The following ESR1 variants were observed in gnomAD, a reference collection of about 807,000 sequenced individuals.
ESR1 encodes estrogen receptor 1.
Under a neutral mutation model 52.7 loss-of-function variants are expected in ESR1, and 12 were observed. The ratio of observed to expected loss-of-function variants is 0.23; its 90% CI spans 0.15 to 0.37. ESR1 has a LOEUF of 0.37. Ranked by LOEUF, ESR1 falls within the 10% of genes least tolerant of loss-of-function variation. The pLI, the probability that ESR1 is intolerant of heterozygous loss-of-function variation, is 1.00. For synonymous variants in ESR1, 305 were observed against 316.8 expected (o/e 0.96, Z 0.39); for missense variants, 584 against 779.7 (o/e 0.75, Z 2.99).
At chr6:151,779,067 T>G (rs796587855) in intron 2 of ESR1, among the ~76,000 whole-genome samples, 14 of 152,340 alleles carry the variant, frequency 9.2e-5, no homozygotes, top group African/African-American at 3.4e-4. Flanking sequence ...GATGATAGTT[T>G]CTTTTGCTGT....
intron 4 of ESR1, among the ~76,000 whole-genome samples, chr6:151,972,353 A>G (rs1438332271): frequency 6.6e-6 from 1 of 152,206 alleles, no homozygotes; most frequent in Admixed American, 6.5e-5. Context: ...ATAACAAAAA[A>G]GAAAACTACA....
chr6:151,842,866 A>T (rs1371978555), intron 2 of ESR1, 79 bp downstream of exon 2: 3 of 1,246,572 alleles, frequency 2.4e-6, no homozygotes, highest in Non-Finnish European at 3.5e-6. Flanking sequence ...AGGAAGGAAG[A>T]CATAGAATCA....
At chr6:151,683,864 ATTTTTTTTT>A (rs66983259) in intron 1 of ESR1, among the ~76,000 whole-genome samples, 177 of 118,456 alleles carry the variant, frequency 1.5e-3, no homozygotes, top group African/African-American at 5.5e-3. Flanking sequence ...ACGTCTGGCT[ATTTTTTTTT>A]TTTTTTTTTT....
At chr6:151,663,224 G>A (rs1480777271) in intron 1 of ESR1, among the ~76,000 whole-genome samples, 2 of 152,226 alleles carry the variant, frequency 1.3e-5, no homozygotes, top group African/African-American at 2.4e-5. Flanking sequence ...ACAGTAAGGA[G>A]GTGGTTTAGA....
chr6:151,903,484 C>G (rs908706265), intron 3 of ESR1, among the ~76,000 whole-genome samples: 1 of 152,216 alleles, frequency 6.6e-6, no homozygotes, highest in Admixed American at 6.5e-5. Context: ...GGCCTCTGCC[C>G]TCTACCTCAC....
At chr6:151,877,902 T>C (rs957146676) in intron 2 of ESR1, among the ~76,000 whole-genome samples, 1 of 152,110 alleles carries the variant, frequency 6.6e-6, no homozygotes, top group Non-Finnish European at 1.5e-5. Context: ...CTTGACCTCC[T>C]GGGCTCAAGC....
intron 4 of ESR1, among the ~76,000 whole-genome samples, chr6:151,988,898 A>G (rs2040763212): frequency 6.6e-6 from 1 of 152,074 alleles, no homozygotes; most frequent in Non-Finnish European, 1.5e-5. Flanking sequence ...GAATTTCACC[A>G]ATACTTTTTA....
At chr6:151,991,601 A>G (rs2041025938) in intron 4 of ESR1, among the ~76,000 whole-genome samples, 1 of 152,172 alleles carries the variant, frequency 6.6e-6, no homozygotes, top group African/African-American at 2.4e-5. Flanking sequence ...AGAAAATTTC[A>G]CAGAGAAAAC....
chr6:151,732,278 T>C (rs1443867027), intron 2 of ESR1, among the ~76,000 whole-genome samples: 1 of 152,112 alleles, frequency 6.6e-6, no homozygotes, highest in African/African-American at 2.4e-5. Flanking sequence ...ATAAAAAAAG[T>C]ATGAGTTATT....
chr6:152,025,175 AT>A (rs1177899922), intron 5 of ESR1, among the ~76,000 whole-genome samples: 2 of 149,150 alleles, frequency 1.3e-5, no homozygotes, highest in Non-Finnish European at 3.0e-5. Flanking sequence ...TTGGTGTCAA[AT>A]TTGTGCTTTG....
At chr6:152,051,429 AAATCC>A (rs1190875373) in intron 5 of ESR1, among the ~76,000 whole-genome samples, 1 of 152,226 alleles carries the variant, frequency 6.6e-6, no homozygotes, top group African/African-American at 2.4e-5. Flanking sequence ...TCTGGTTTGC[AAATCC>A]ATGCTTCTCT....
chr6:151,999,347 T>C (rs1409181999), intron 4 of ESR1, among the ~76,000 whole-genome samples: 1 of 152,136 alleles, frequency 6.6e-6, no homozygotes, highest in Non-Finnish European at 1.5e-5. Flanking sequence ...GTTAAGGATA[T>C]TAATGACTTC....
intron 4 of ESR1, among the ~76,000 whole-genome samples, chr6:151,989,910 G>A (rs969384202): frequency 6.6e-6 from 1 of 151,990 alleles, no homozygotes; most frequent in Non-Finnish European, 1.5e-5. Flanking sequence ...CTGTTTCTGT[G>A]ACACTACATG....
chr6:151,656,975 T>C (rs1229362178), intron 1 of ESR1, among the ~76,000 whole-genome samples: 1 of 152,174 alleles, frequency 6.6e-6, no homozygotes, highest in African/African-American at 2.4e-5. Context: ...ACTTCATACA[T>C]GGTGTGGAGG....
At chr6:151,969,863 G>A (rs2038718267) in intron 4 of ESR1, among the ~76,000 whole-genome samples, 1 of 151,982 alleles carries the variant, frequency 6.6e-6, no homozygotes, top group Non-Finnish European at 1.5e-5. Context: ...TGTTGTTGTT[G>A]TTAGTGGTGT....
At chr6:151,977,350 G>A (rs1051777396) in intron 4 of ESR1, among the ~76,000 whole-genome samples, 1 of 151,754 alleles carries the variant, frequency 6.6e-6, no homozygotes, top group Non-Finnish European at 1.5e-5. Context: ...GCTCTGGGTA[G>A]GGGAAAGGAA....
rs1168019404 is a variant in ESR1 at position 152,098,977 on chromosome 6, G to T, written c.*11G>T. ...CCTGCCACGGTCTGAGAGCTCCCTG[G>T]CTCCCACACGGTTCAGATAATCCCT... On this transcript the variant is annotated 3_prime_UTR_variant, in exon 8 of 8. Coordinates refer to ENST00000206249, the MANE Select transcript of ESR1 (RefSeq NM_000125.4). The surrounding 1 kb of genome is among the most constrained non-coding windows in gnomAD (Gnocchi z 5.1). The T allele has an allele frequency of 6.2e-7, 1 of 1,605,028 alleles. No individual in the cohort carries two copies. Among genetic ancestry groups the T allele is most frequent in the Middle Eastern group, 1.7e-4 (1 of 6,046 alleles).
chr6:151,849,598 C>T (rs951136951), intron 2 of ESR1, among the ~76,000 whole-genome samples: 4 of 150,770 alleles, frequency 2.7e-5, no homozygotes, highest in African/African-American at 7.3e-5. Flanking sequence ...GAGCTGAGAT[C>T]GCGACACTGC....
intron 1 of ESR1, among the ~76,000 whole-genome samples, chr6:151,809,493 A>C (rs576547507): frequency 6.6e-6 from 1 of 152,182 alleles, no homozygotes; most frequent in South Asian, 2.1e-4. Context: ...AGGGCGCCAC[A>C]TGGCTGGGTC....
Sources: allele counts gnomAD v4.1 joint callset (sites outside exome capture counted in the v4.1 genomes callset), GRCh38; gene constraint gnomAD v4.1.1; non-coding constraint Gnocchi (gnomAD v3.1); transcripts MANE v1.5; gene names NCBI Gene and HGNC (gene_info 2026-07-23, HGNC 2026-07-21).